PIGT: variants seen among roughly 807,000 people sequenced by gnomAD.
PIGT encodes GPI-anchor transamidase component PIGT.
Under a neutral mutation model 66.7 loss-of-function variants are expected in PIGT, and 57 were observed. That is an observed-to-expected ratio of 0.86 (90% CI 0.69 to 1.07). PIGT has a LOEUF of 1.07. Among genes scored for constraint, PIGT ranks in the 50% least tolerant of loss-of-function variants. The pLI is 0.00. For missense variants in PIGT, 725 were observed against 740.4 expected (o/e 0.98, Z 0.24); for synonymous variants, 362 against 320.5 (o/e 1.13, Z -1.38).
intron 5 of PIGT, 183 bp from the exon 6 acceptor site, chr20:45,419,953 C>T: frequency 1.6e-6 from 1 of 609,578 alleles, no homozygotes; most frequent in Non-Finnish European, 2.9e-6. Context: ...GTTTATCAAA[C>T]TGATGCACAT....
chr20:45,416,593 A>G lies in PIGT; in HGVS notation c.264A>G (p.Ser88=), dbSNP rs771684622. ...ATTCTCTACGGGAGCTGCACCTGTC[A>G]TTCACACAAGGCTTTTGGAGGACCC... The part of the protein sequence containing the change: ...SKYSLRELHL[S]FTQGFWRTRY... Residue 88 remains serine (S), a synonymous_variant, in exon 2 of 12, where the codon TCA becomes TCG. Transcript: ENST00000279036. 7.4e-6 allele frequency: 12 copies of G among 1,614,076 alleles called. No homozygotes were observed. Among genetic ancestry groups the G allele is most frequent in the Admixed American group, 5.0e-5 (3 of 60,006 alleles).
intron 11 of PIGT, 85 bp downstream of exon 11, chr20:45,424,664 T>C: frequency 1.0e-6 from 1 of 967,160 alleles, no homozygotes; most frequent in Non-Finnish European, 1.7e-6. Context: ...GCAGGGGAGT[T>C]CAGGGTAGAT....
chr20:45,421,276 T>C lies in PIGT; in HGVS notation c.1034-107T>C, dbSNP rs866685149. The C allele has an allele frequency of 4.0e-4, 354 of 875,124 alleles. 2 individuals are homozygous for C. In the Middle Eastern group the frequency reaches 8.5e-3, roughly 21 times the overall value. The allele number at this position is 875,124 out of a possible 1,614,324, so 54.2% of individuals were successfully genotyped here. A position where few individuals can be genotyped will look rare whatever the true frequency, so the allele number is the denominator to read the frequency against. On this transcript the variant is annotated intron_variant, in intron 8 of 11. Transcript: ENST00000279036. The stretch of plus-strand genomic sequence containing the variant: ...TGCCCAGTTTCAGTGGCAGGGCTGT[T>C]CCCCATCTACTCACTGGCTTGGGAC...
At chr20:45,423,247 G>A (rs1336496762) in intron 9 of PIGT, 1 of 151,042 alleles carries the variant, frequency 6.6e-6, no homozygotes, top group Non-Finnish European at 1.5e-5. Context: ...TCTGTTTTTA[G>A]TAGAGATGCG....
At position 45,416,218 on chromosome 20, in the gene PIGT, G is replaced by T. The variant is rs1382089790; in HGVS notation, c.62G>T (p.Cys21Phe). 3.8e-6 allele frequency: 6 copies of T among 1,595,866 alleles called. No homozygotes were observed. Among genetic ancestry groups the T allele is most frequent in the South Asian group, 1.1e-5 (1 of 88,368 alleles). Residue 21 changes from cysteine (C) to phenylalanine (F), a missense_variant, in exon 1 of 12, where the codon TGC becomes TTC. Coordinates refer to ENST00000279036, the MANE Select transcript of PIGT (RefSeq NM_015937.6). ...TTGCTCCTGGGGCCCGGCGGCTGGT[G>T]CCTTGCAGAACCCCCACGCGACAGC... Reference protein sequence around the residue: ...VLLLLGPGGWCLAEPPRDSLR... With the variant: ...VLLLLGPGGWFLAEPPRDSLR...
At chr20:45,421,673 T>G in intron 9 of PIGT, 90 bp downstream of exon 9, 2 of 1,044,694 alleles carry the variant, frequency 1.9e-6, no homozygotes, top group Non-Finnish European at 2.9e-6. Flanking sequence ...GGGTAGTTCC[T>G]GAAGTACCTC....
At position 45,421,524 on chromosome 20, in the gene PIGT, A is replaced by G. The variant is rs1013288368; in HGVS notation, c.1175A>G (p.Tyr392Cys). The G allele has an allele frequency of 3.1e-6, 5 of 1,614,034 alleles. No individual in the cohort carries two copies. Among genetic ancestry groups the G allele is most frequent in the Admixed American group, 1.7e-5 (1 of 59,992 alleles). The change falls in exon 9 of 12, where the codon TAT becomes TGT. Residue 392 changes from tyrosine to cysteine, a missense_variant. Tyr to Cys is a radical substitution (Grantham distance 194). Coordinates refer to ENST00000279036, the MANE Select transcript of PIGT (RefSeq NM_015937.6). ...CTGCTGCTGGACACCGTACCCTGGTATCTGCGGCTGTATGTGCACACCCTC... is the reference window on the plus strand; with the variant it reads ...CTGCTGCTGGACACCGTACCCTGGTGTCTGCGGCTGTATGTGCACACCCTC... The part of the protein sequence containing the change: ...PVLLLDTVPW[Y>C]LRLYVHTLTI...
chr20:45,421,291 T>C, intron 8 of PIGT, 92 bp from the exon 9 acceptor site: 1 of 1,117,906 alleles, frequency 8.9e-7, no homozygotes, highest in Non-Finnish European at 1.3e-6. Context: ...ATCTACTCAC[T>C]GGCTTGGGAC....
At chr20:45,416,444 G>T in intron 1 of PIGT, 73 bp from the exon 2 acceptor site, 1 of 1,573,580 alleles carries the variant, frequency 6.4e-7, no homozygotes, top group Non-Finnish European at 8.7e-7. Context: ...CTAATTCCTG[G>T]GTAGAGTTCG....
Position 45,420,559 on chromosome 20 carries a change from C to T in PIGT, c.899C>T (p.Pro300Leu), listed in dbSNP as rs1990296255. ...GAGACATTAGAGGTGCACCCACCCCCGACCACTACATATCAGGACGTCATC... is the reference window on the plus strand; with the variant it reads ...GAGACATTAGAGGTGCACCCACCCCTGACCACTACATATCAGGACGTCATC... The part of the protein sequence containing the change: ...DNETLEVHPP[P>L]TTTYQDVILG... The change falls in exon 8 of 12, where the codon CCG becomes CTG. Residue 300 changes from proline (P) to leucine (L), a missense_variant. By Grantham distance (98) the Pro-to-Leu change is moderately conservative. Transcript: ENST00000279036. 4.3e-6 allele frequency: 7 copies of T among 1,613,632 alleles called. No individual in the cohort carries two copies. Among genetic ancestry groups the T allele is most frequent in the South Asian group, 3.3e-5 (3 of 91,072 alleles).
rs767692916 is a variant in PIGT at position 45,425,774 on chromosome 20, C to G, written c.1685C>G (p.Ala562Gly). 1.2e-5 allele frequency: 19 copies of G among 1,613,936 alleles called. No individual in the cohort carries two copies. The highest frequency in any genetic ancestry group is 1.6e-5 in the Non-Finnish European group (19 of 1,179,936). Residue 562 changes from alanine (A) to glycine (G), a missense_variant, in exon 12 of 12, where the codon GCC becomes GGC. Ala to Gly is a moderately conservative substitution (Grantham distance 60). Around this residue, in one of 3 missense-constraint regions of PIGT, gnomAD observed 162 missense variants for 171.1 expected, o/e 0.95. Transcript: ENST00000279036. Reference sequence around the variant, plus strand: ...GAGGAGCCCCGCACAGGTGGCCTGGCCAAGCGGCTGGCCAACCTTATCCGG... The same window carrying G: ...GAGGAGCCCCGCACAGGTGGCCTGGGCAAGCGGCTGGCCAACCTTATCCGG... ...HIEEPRTGGLAKRLANLIRRA... is the reference protein window; with the variant it reads ...HIEEPRTGGLGKRLANLIRRA...
chr20:45,417,822 G>A (rs1010614001), intron 2 of PIGT: 1 of 152,186 alleles, frequency 6.6e-6, no homozygotes, highest in African/African-American at 2.4e-5. Flanking sequence ...AAGGATTGGA[G>A]CAGTTGAAAA....
Position 45,420,425 on chromosome 20 carries a change from A to G in PIGT, c.863A>G (p.Asn288Ser). The change falls in exon 7 of 12, where the codon AAC (asparagine) becomes AGC (serine). Residue 288 changes from asparagine (N) to serine (S), a missense_variant. Physicochemically the swap from Asn to Ser is conservative, Grantham distance 46. Transcript: ENST00000279036. ...GTCTATGTGGACATCACCACCTACA[A>G]CCAGGTAACAAGGTCTCCAGCCACA... ...SRVYVDITTY[N>S]QDNETLEVHP... 1 of 1,612,830 alleles carries G rather than the reference A, an allele frequency of 6.2e-7. No individual in the cohort carries two copies. The highest frequency in any genetic ancestry group is 8.5e-7 in the Non-Finnish European group (1 of 1,179,434).
chr20:45,425,589 T>C lies in PIGT; in HGVS notation c.1500T>C (p.Asp500=). Residue 500 remains aspartate, a synonymous_variant, in exon 12 of 12, where the codon GAT becomes GAC. Coordinates refer to ENST00000279036, the MANE Select transcript of PIGT (RefSeq NM_015937.6). ...PLFNSLFPVS[D]GSNYFVRLYT... is the part of the protein sequence containing the mutation. ...CTGACCCCAGGTTCCCAGTCTCTGA[T>C]GGCTCTAACTACTTTGTGCGGCTCT... 1 of 1,613,908 alleles carries C rather than the reference T, an allele frequency of 6.2e-7. No individual in the cohort carries two copies. Among genetic ancestry groups the C allele is most frequent in the Non-Finnish European group, 8.5e-7 (1 of 1,179,962 alleles).
At chr20:45,419,936 T>C (rs1990242923) in intron 5 of PIGT, 200 bp from the exon 6 acceptor site, 1 of 606,758 alleles carries the variant, frequency 1.6e-6, no homozygotes, top group Admixed American at 2.9e-5. Flanking sequence ...CTAGGGTTGT[T>C]GTGATAGTTT....
Position 45,420,626 on chromosome 20 carries a change from CA to C in PIGT, c.967del (p.Thr323ProfsTer3). 1 of 1,613,878 alleles carries C rather than the reference CA, an allele frequency of 6.2e-7. No individual in the cohort carries two copies. Among genetic ancestry groups the C allele is most frequent in the Non-Finnish European group, 8.5e-7 (1 of 1,180,004 alleles). ...KTYAIYDLLDTAMINNSRNLN... is the reference protein window; with the variant it reads ...KTYAIYDLLDXAMINNSRNLN... ...CCTATGCCATCTATGACTTGCTTGA[CA>C]CCGCCATGATCAACAACTCTCGAAA... is the stretch of plus-strand genomic sequence containing the variant. On this transcript the variant is annotated frameshift_variant, in exon 8 of 12. Transcript: ENST00000279036. LOFTEE classifies it high-confidence loss of function.
intron 4 of PIGT, 27 bp downstream of exon 4, chr20:45,419,422 G>A: frequency 1.9e-6 from 3 of 1,572,866 alleles, no homozygotes; most frequent in East Asian, 2.2e-5. Flanking sequence ...TGGCAGCCGG[G>A]GGCGGGGGGT....
In PIGT at chr20:45,426,070, A is replaced by G; in HGVS notation, c.*244A>G. The G allele has an allele frequency of 1.8e-6, 1 of 568,808 alleles. No homozygotes were observed. The highest frequency in any genetic ancestry group is 3.1e-6 in the Non-Finnish European group (1 of 319,436). 35.2% of individuals were successfully genotyped at this position (568,808 alleles called of 1,614,324 possible). A position where few individuals can be genotyped will look rare whatever the true frequency, so the allele number is the denominator to read the frequency against. ...CCACCTCTATATTGAGGTGCTCAAT[A>G]AGCAAAAGTGGTCGGTGGCTGCTGT... On this transcript the variant is annotated 3_prime_UTR_variant, in exon 12 of 12. Coordinates refer to ENST00000279036, the MANE Select transcript of PIGT (RefSeq NM_015937.6).
intron 2 of PIGT, chr20:45,417,432 C>T (rs1990054628): frequency 6.6e-6 from 1 of 152,194 alleles, no homozygotes; most frequent in South Asian, 2.1e-4. Flanking sequence ...AGCTCTGCCA[C>T]TCAGCTTCTA....
Sources: gnomAD v4.1 joint callset for allele counts on GRCh38, gnomAD v4.1.1 for gene constraint, gnomAD v4.1.1 regional missense constraint, MANE v1.5 for transcripts, NCBI Gene and HGNC (gene_info 2026-07-23, HGNC 2026-07-21) for gene names.